Variants in BCL7C observed in about 807,000 individuals in gnomAD.
The protein encoded by BCL7C is BAF chromatin remodeling complex subunit BCL7C.
Under a neutral mutation model 26.2 loss-of-function variants are expected in BCL7C, and 8 were observed. That is an observed-to-expected ratio of 0.30 (90% confidence interval 0.18 to 0.55). The LOEUF (loss-of-function observed/expected upper bound fraction) is 0.55, where lower values mean the gene tolerates loss of function less well. Ranked by LOEUF, BCL7C falls within the 20% of genes least tolerant of loss-of-function variation. The probability of loss-of-function intolerance (pLI) is 0.93; values close to 1 mark genes in which losing one functional copy is unlikely to be tolerated. For missense variants in BCL7C, 262 were observed against 298.5 expected (o/e 0.88, Z 0.90); for synonymous variants, 90 against 116.5 (o/e 0.77, Z 1.47).
At chr16:30,845,080 C>G (rs2054625881) in intron 5 of BCL7C, among the ~76,000 whole-genome samples, 1 of 152,202 alleles carries the variant, frequency 6.6e-6, no homozygotes, top group Non-Finnish European at 1.5e-5. Flanking sequence ...TTCCCTCCCC[C>G]AATATGGACA....
rs190141569 is a variant in BCL7C at position 30,847,673 on chromosome 16, G to A, written c.529-12525C>T. On this transcript the variant is annotated intron_variant, in intron 5 of 5. Transcript: ENST00000380317. ...TAGCCGGGCATGATGGTGCACACCTGTAATCCCAGCTACTCAGGAGGCTGA... is the reference window on the plus strand; with the variant it reads ...TAGCCGGGCATGATGGTGCACACCTATAATCCCAGCTACTCAGGAGGCTGA... Among the ~76,000 whole-genome samples the A allele has an allele frequency of 3.9e-5, 6 of 152,168 alleles. No individual in the cohort carries two copies. In the East Asian group the frequency reaches 1.2e-3, roughly 29 times the overall value.
At chr16:30,875,614 C>G (rs184733206) in intron 5 of BCL7C, 3 of 152,204 alleles carry the variant, frequency 2.0e-5, no homozygotes, top group African/African-American at 7.2e-5. Flanking sequence ...CTACCCGTGC[C>G]CTCACCAGAT....
chr16:30,889,656 T>G (rs919628452), intron 4 of BCL7C, among the ~76,000 whole-genome samples: 1 of 152,036 alleles, frequency 6.6e-6, no homozygotes, highest in African/African-American at 2.4e-5. Flanking sequence ...GTCCCGCTGA[T>G]TTTTTGTATT....
intron 5 of BCL7C, among the ~76,000 whole-genome samples, chr16:30,858,455 A>T (rs2054742867): frequency 6.6e-6 from 1 of 152,148 alleles, no homozygotes; most frequent in South Asian, 2.1e-4. Context: ...GTTTATGCTT[A>T]TTCCTAGGGA....
At chr16:30,855,466 C>T (rs2054712507) in intron 5 of BCL7C, among the ~76,000 whole-genome samples, 1 of 151,832 alleles carries the variant, frequency 6.6e-6, no homozygotes, top group South Asian at 2.1e-4. Context: ...TGGTCTTGAA[C>T]TCCTGACCTC....
chr16:30,835,567 C>T (rs1002858041), intron 5 of BCL7C, among the ~76,000 whole-genome samples: 1 of 152,056 alleles, frequency 6.6e-6, no homozygotes, highest in African/African-American at 2.4e-5. Flanking sequence ...AACTTTTGGC[C>T]GGGCTCGGTG....
At chr16:30,864,264 C>A (rs190411353) in intron 5 of BCL7C, among the ~76,000 whole-genome samples, 5 of 152,266 alleles carry the variant, frequency 3.3e-5, no homozygotes, top group African/African-American at 1.2e-4. Flanking sequence ...ACTCGCCAAC[C>A]AAGCAAATAA....
At chr16:30,851,718 G>T in intron 5 of BCL7C, 2 of 694,940 alleles carry the variant, frequency 2.9e-6, no homozygotes, top group South Asian at 1.7e-5. Context: ...CAGTGGATCA[G>T]ACCAGCAGCA....
At chr16:30,864,218 T>C (rs1478462746) in intron 5 of BCL7C, among the ~76,000 whole-genome samples, 1 of 152,156 alleles carries the variant, frequency 6.6e-6, no homozygotes, top group Non-Finnish European at 1.5e-5. Context: ...GCCTGGTATA[T>C]GACAACATAA....
intron 5 of BCL7C, among the ~76,000 whole-genome samples, chr16:30,853,666 T>C (rs1406935618): frequency 2.6e-5 from 4 of 152,220 alleles, no homozygotes; most frequent in African/African-American, 9.7e-5. Context: ...TTTGTTGAGG[T>C]CTGCAGCAGC....
At chr16:30,887,750 CA>C (rs2055156403), downstream of BCL7C, 2 of 1,468,184 alleles carry the variant, frequency 1.4e-6, no homozygotes, top group African/African-American at 2.9e-5. Flanking sequence ...AAACTGTCTC[CA>C]AAGACCCTCC....
At chr16:30,882,565 G>A (rs1420357483) in intron 5 of BCL7C, among the ~76,000 whole-genome samples, 1 of 152,202 alleles carries the variant, frequency 6.6e-6, no homozygotes, top group East Asian at 1.9e-4. Flanking sequence ...CAGCCAGTGT[G>A]AGCAAAACCC....
chr16:30,837,363 A>AT (rs1305920862), intron 5 of BCL7C, among the ~76,000 whole-genome samples: 7 of 150,928 alleles, frequency 4.6e-5, no homozygotes, highest in East Asian at 2.0e-4. Context: ...GGTGATAATA[A>AT]TTTTTTTTTG....
intron 5 of BCL7C, among the ~76,000 whole-genome samples, chr16:30,836,471 CTTTT>C (rs762842983): frequency 1.7e-5 from 2 of 116,960 alleles, no homozygotes; most frequent in African/African-American, 6.5e-5. Flanking sequence ...GAGACCCTGT[CTTTT>C]TTTTTTTTTT....
chr16:30,861,850 C>T (rs1034402899), intron 5 of BCL7C, among the ~76,000 whole-genome samples: 1 of 141,566 alleles, frequency 7.1e-6, no homozygotes, highest in African/African-American at 2.6e-5. Flanking sequence ...CCAACTTGGA[C>T]AACATGCTTT....
chr16:30,888,839 C>T, intron 5 of BCL7C, 21 bp downstream of exon 5: 2 of 1,612,682 alleles, frequency 1.2e-6, no homozygotes, highest in Non-Finnish European at 1.7e-6. Context: ...CCCAGGAGTC[C>T]AGCCTTCTGG....
At chr16:30,870,906 C>A (rs2054877045) in intron 5 of BCL7C, among the ~76,000 whole-genome samples, 1 of 152,184 alleles carries the variant, frequency 6.6e-6, no homozygotes, top group Non-Finnish European at 1.5e-5. Context: ...TGCCCCTGGG[C>A]AAGTCACTTC....
chr16:30,880,959 C>T (rs929456854), intron 5 of BCL7C, among the ~76,000 whole-genome samples: 36 of 152,086 alleles, frequency 2.4e-4, no homozygotes, highest in African/African-American at 8.2e-4. Flanking sequence ...GCCTTGGCCT[C>T]CCAGTGAGCC....
chr16:30,892,535 G>A, intron 4 of BCL7C, 51 bp downstream of exon 4: 2 of 1,512,224 alleles, frequency 1.3e-6, no homozygotes, highest in South Asian at 1.3e-5. Flanking sequence ...GTTAGACTCT[G>A]GAGAAGACAG....
Sources: gnomAD v4.1 joint callset for allele counts (sites outside exome capture counted in the v4.1 genomes callset) on GRCh38, gnomAD v4.1.1 for gene constraint, MANE v1.5 for transcripts, NCBI Gene and HGNC (gene_info 2026-07-23, HGNC 2026-07-21) for gene names.